NAALADL2: variants seen among roughly 807,000 people sequenced by gnomAD.
NAALADL2 encodes the protein N-acetylated alpha-linked acidic dipeptidase like 2.
In NAALADL2, 76 loss-of-function variants were observed where a neutral mutation model predicts 87.2. The ratio of observed to expected loss-of-function variants is 0.87; its 90% CI spans 0.72 to 1.05. NAALADL2 has a LOEUF of 1.05. Among genes scored for constraint, NAALADL2 ranks in the 50% least tolerant of loss-of-function variants. The pLI is 0.00. For synonymous variants in NAALADL2, 354 were observed against 331.0 expected (o/e 1.07, Z -0.75); for missense variants, 1,089 against 945.8 (o/e 1.15, Z -1.99).
At chr3:175,184,148 G>T (rs1736996081) in intron 2 of NAALADL2, among the ~76,000 whole-genome samples, 1 of 152,028 alleles carries the variant, frequency 6.6e-6, no homozygotes, top group South Asian at 2.1e-4. Context: ...TTTGTCCATA[G>T]TTGCTTGTGT....
At chr3:174,633,426 A>G (rs1722338475) in intron 2 of NAALADL2, among the ~76,000 whole-genome samples, 1 of 152,174 alleles carries the variant, frequency 6.6e-6, no homozygotes, top group African/African-American at 2.4e-5. Flanking sequence ...TGAAACATTG[A>G]CTTTTATCCA....
At chr3:174,694,770 T>C (rs1194466564) in intron 2 of NAALADL2, among the ~76,000 whole-genome samples, 1 of 152,062 alleles carries the variant, frequency 6.6e-6, no homozygotes, top group Non-Finnish European at 1.5e-5. Context: ...AAAGTATTTT[T>C]AGTGTGTTTT....
intron 4 of NAALADL2, among the ~76,000 whole-genome samples, chr3:175,259,620 A>G (rs997592934): frequency 2.0e-5 from 3 of 152,258 alleles, no homozygotes; most frequent in Non-Finnish European, 4.4e-5. Flanking sequence ...AACTGGTTAG[A>G]TAGAATTATG....
intron 4 of NAALADL2, among the ~76,000 whole-genome samples, chr3:175,319,268 A>C (rs1274599697): frequency 1.3e-5 from 2 of 152,210 alleles, no homozygotes; most frequent in East Asian, 3.8e-4. Flanking sequence ...TAGAAGAGAA[A>C]TTAGTCATTT....
intron 1 of NAALADL2, among the ~76,000 whole-genome samples, chr3:174,956,492 T>C (rs1194247698): frequency 6.6e-6 from 1 of 152,036 alleles, no homozygotes; most frequent in Non-Finnish European, 1.5e-5. Context: ...TTATCTCCTA[T>C]AAAATAATAA....
intron 11 of NAALADL2, among the ~76,000 whole-genome samples, chr3:175,642,499 C>CTTTTTT (rs1206070195): frequency 5.0e-5 from 7 of 141,404 alleles, no homozygotes; most frequent in Non-Finnish European, 7.7e-5. Flanking sequence ...TCACCCAAAT[C>CTTTTTT]TTTTTTTTTT....
chr3:175,400,326 T>C (rs1371103055), intron 5 of NAALADL2, among the ~76,000 whole-genome samples: 1 of 152,130 alleles, frequency 6.6e-6, no homozygotes, highest in African/African-American at 2.4e-5. Flanking sequence ...TCATCGGTAC[T>C]GGCCTTGTGA....
chr3:175,308,441 G>A (rs1013606028), intron 4 of NAALADL2, among the ~76,000 whole-genome samples: 1 of 152,174 alleles, frequency 6.6e-6, no homozygotes, highest in Non-Finnish European at 1.5e-5. Flanking sequence ...GGGTTGCGTG[G>A]CAGGGGACTG....
intron 1 of NAALADL2, among the ~76,000 whole-genome samples, chr3:174,974,320 A>C (rs2108620891): frequency 6.6e-6 from 1 of 152,318 alleles, no homozygotes; most frequent in Middle Eastern, 3.4e-3. Flanking sequence ...AGTGAGACTT[A>C]TACAATTTTC....
intron 11 of NAALADL2, chr3:175,676,281 T>G (rs995514756): frequency 2.0e-5 from 3 of 152,120 alleles, no homozygotes; most frequent in African/African-American, 7.2e-5. Flanking sequence ...CTTTACCTAT[T>G]GACAAGTTCC....
intron 3 of NAALADL2, among the ~76,000 whole-genome samples, chr3:174,756,160 C>T (rs1712041502): frequency 6.6e-6 from 1 of 152,146 alleles, no homozygotes; most frequent in South Asian, 2.1e-4. Context: ...GACTTTTAAA[C>T]AAATCAAAAT....
At chr3:175,800,809 G>A (rs115972870) in intron 13 of NAALADL2, among the ~76,000 whole-genome samples, 95 of 152,214 alleles carry the variant, frequency 6.2e-4, no homozygotes, top group Middle Eastern at 3.4e-3. Context: ...GAAGTAACAT[G>A]TTCTTCACTC....
intron 11 of NAALADL2, among the ~76,000 whole-genome samples, chr3:175,636,715 GAAAAAAAA>G (rs892069170): frequency 7.3e-6 from 1 of 136,348 alleles, no homozygotes; most frequent in South Asian, 2.4e-4. Context: ...AAAAAAAAAA[GAAAAAAAA>G]AGAAAAAAGC....
chr3:175,364,758 T>G (rs1183581202), intron 5 of NAALADL2, among the ~76,000 whole-genome samples: 1 of 147,472 alleles, frequency 6.8e-6, no homozygotes, highest in East Asian at 2.0e-4. Context: ...TTGCCTTACA[T>G]GAGGAACAGA....
At chr3:175,282,355 G>T (rs1160407068) in intron 4 of NAALADL2, among the ~76,000 whole-genome samples, 1 of 151,926 alleles carries the variant, frequency 6.6e-6, no homozygotes, top group Non-Finnish European at 1.5e-5. Context: ...CTGCTTTAAA[G>T]AACACTTAAC....
chr3:175,174,865 T>C (rs970784655), intron 2 of NAALADL2, among the ~76,000 whole-genome samples: 36 of 147,586 alleles, frequency 2.4e-4, no homozygotes, highest in Admixed American at 4.1e-4. Context: ...CACACACACA[T>C]ATCTCTGTTA....
chr3:175,579,652 A>G (rs1305597643), intron 10 of NAALADL2, among the ~76,000 whole-genome samples: 2 of 152,182 alleles, frequency 1.3e-5, no homozygotes, highest in Admixed American at 1.3e-4. Flanking sequence ...AAGGTTTTAG[A>G]TTTATTAACA....
intron 11 of NAALADL2, among the ~76,000 whole-genome samples, chr3:175,720,320 G>T (rs1209041737): frequency 6.6e-6 from 1 of 151,798 alleles, no homozygotes; most frequent in Non-Finnish European, 1.5e-5. Flanking sequence ...ATCTTTAAAA[G>T]AATTACTCTA....
At chr3:175,278,981 C>T (rs1753938530) in intron 4 of NAALADL2, among the ~76,000 whole-genome samples, 3 of 152,114 alleles carry the variant, frequency 2.0e-5, no homozygotes, top group Non-Finnish European at 2.9e-5. Context: ...TGTAATAGGT[C>T]TACATTCTAG....
Sources: gnomAD v4.1 joint callset for allele counts (sites outside exome capture counted in the v4.1 genomes callset) on GRCh38, gnomAD v4.1.1 for gene constraint, MANE v1.5 for transcripts, NCBI Gene and HGNC (gene_info 2026-07-23, HGNC 2026-07-21) for gene names.